Variants in SLC30A9 observed in about 807,000 individuals in gnomAD.
SLC30A9 encodes proton-coupled zinc antiporter SLC30A9, mitochondrial.
SLC30A9 carries 58 observed loss-of-function variants against 87.5 expected under a neutral mutation model. The observed-to-expected ratio is 0.66, with a 90% CI of 0.54 to 0.82. The LOEUF is 0.82. Ranked by LOEUF, SLC30A9 falls within the 40% of genes least tolerant of loss-of-function variation. SLC30A9 has a pLI of 0.00. For missense variants in SLC30A9, 557 were observed against 679.1 expected, an observed-to-expected ratio of 0.82 and a Z score of 2.00; for synonymous variants, 234 against 233.0, an observed-to-expected ratio of 1.00 and a Z score of -0.04.
At chr4:42,082,378 A>G (rs1718773678) in intron 17 of SLC30A9, among the ~76,000 whole-genome samples, 1 of 152,208 alleles carries the variant, frequency 6.6e-6, no homozygotes, top group African/African-American at 2.4e-5. Flanking sequence ...CCTTTTGAAA[A>G]CTAAAACTTT....
intron 2 of SLC30A9, among the ~76,000 whole-genome samples, chr4:42,011,292 A>G (rs900179529): frequency 6.6e-6 from 1 of 152,220 alleles, no homozygotes; most frequent in African/African-American, 2.4e-5. Context: ...TTCACTCACT[A>G]TCATGAGAAC....
intron 6 of SLC30A9, among the ~76,000 whole-genome samples, chr4:42,023,774 T>G (rs1716073742): frequency 6.6e-6 from 1 of 152,204 alleles, no homozygotes; most frequent in Admixed American, 6.5e-5. Context: ...AAAGGAGATT[T>G]AACTGACTCA....
intron 9 of SLC30A9, among the ~76,000 whole-genome samples, chr4:42,050,956 A>G (rs540964116): frequency 1.0e-3 from 157 of 152,330 alleles, no homozygotes; most frequent in African/African-American, 3.7e-3. Context: ...AGCTACAAGG[A>G]CAAAAAGCTA....
intron 8 of SLC30A9, among the ~76,000 whole-genome samples, chr4:42,047,571 A>G (rs566387690): frequency 3.9e-5 from 6 of 152,364 alleles, no homozygotes; most frequent in African/African-American, 1.4e-4. Flanking sequence ...TTTAAAAGTC[A>G]GGAAACAGCA....
rs1243989589 is a variant in SLC30A9, at chr4:42,044,581, C to A, written c.738-4796C>A. Among the ~76,000 whole-genome samples the A allele has an allele frequency of 2.0e-5, 3 of 152,096 alleles. No individual in the cohort carries two copies. The East Asian group carries it at 5.8e-4, about 29-fold the overall frequency. On this transcript the variant is annotated intron_variant, in intron 8 of 17. Coordinates refer to ENST00000264451, the MANE Select transcript of SLC30A9 (RefSeq NM_006345.4). ...ATTCATAAAGCAAGTTCTTAGAGAC[C>A]TACAAAGAGACTTAGACTCCCACAC...
chr4:42,077,798 T>C (rs1718613352), intron 16 of SLC30A9, among the ~76,000 whole-genome samples: 1 of 152,194 alleles, frequency 6.6e-6, no homozygotes, highest in African/African-American at 2.4e-5. Context: ...GTGCTTTTTA[T>C]TCTTTTGCAT....
At chr4:42,043,649 G>A (rs1322130119) in intron 8 of SLC30A9, among the ~76,000 whole-genome samples, 1 of 152,194 alleles carries the variant, frequency 6.6e-6, no homozygotes, top group African/African-American at 2.4e-5. Context: ...CACTCTTCAG[G>A]AGATTATCCA....
intron 9 of SLC30A9, among the ~76,000 whole-genome samples, chr4:42,051,368 C>G (rs971913873): frequency 2.6e-5 from 4 of 152,132 alleles, no homozygotes; most frequent in African/African-American, 9.7e-5. Context: ...CAGTGTTTAG[C>G]ATCCAATAAA....
In SLC30A9 at chr4:42,075,684, T is replaced by A; in HGVS notation, c.1446T>A (p.Asp482Glu). The A allele has an allele frequency of 6.2e-6, 10 of 1,613,714 alleles. No individual in the cohort carries two copies. The highest frequency in any genetic ancestry group is 8.5e-6 in the Non-Finnish European group (10 of 1,179,798). ...VRAIHDVKAT[D>E]LGLGKVRFKA... ...CAATTCATGATGTTAAAGCCACAGA[T>A]CTGGGATTAGGTAAAGTAAGATTTA... The change falls in exon 16 of 18, where the codon GAT (aspartate) becomes GAA (glutamate). Residue 482 changes from aspartate (D) to glutamate (E), a missense_variant. Around this residue, in one of 2 missense-constraint regions of SLC30A9, gnomAD observed 90 missense variants for 149.4 expected, o/e 0.60. Transcript: ENST00000264451.
At chr4:42,021,239 G>A (rs1341255330) in intron 4 of SLC30A9, among the ~76,000 whole-genome samples, 1 of 152,104 alleles carries the variant, frequency 6.6e-6, no homozygotes, top group African/African-American at 2.4e-5. Flanking sequence ...AGTGGATTAG[G>A]CATTGCTGTC....
At chr4:42,086,014 C>T in intron 17 of SLC30A9, 68 bp from the exon 18 acceptor site, 1 of 183,462 alleles carries the variant, frequency 5.5e-6, no homozygotes, top group Non-Finnish European at 1.0e-5. Flanking sequence ...CTCTAATGAC[C>T]AAAAGGAATA....
intron 14 of SLC30A9, 22 bp from the exon 15 acceptor site, chr4:42,070,503 AT>A (rs764938071): frequency 1.9e-6 from 3 of 1,591,708 alleles, no homozygotes; most frequent in Non-Finnish European, 2.6e-6. Flanking sequence ...TAATTTACTG[AT>A]TTTTTTATGT....
chr4:42,017,569 T>A (rs562670139), intron 2 of SLC30A9, among the ~76,000 whole-genome samples: 1 of 152,184 alleles, frequency 6.6e-6, no homozygotes, highest in East Asian at 1.9e-4. Flanking sequence ...CTACCTGTAA[T>A]TGTTTTTTCT....
intron 17 of SLC30A9, among the ~76,000 whole-genome samples, chr4:42,080,628 G>T (rs547089871): frequency 6.6e-6 from 1 of 152,312 alleles, no homozygotes; most frequent in South Asian, 2.1e-4. Flanking sequence ...AGCAGATACT[G>T]TGTGGCCAAA....
chr4:42,072,506 A>T (rs1332357334), intron 15 of SLC30A9, among the ~76,000 whole-genome samples: 1 of 151,614 alleles, frequency 6.6e-6, no homozygotes, highest in Non-Finnish European at 1.5e-5. Flanking sequence ...TATTCTTTTC[A>T]GTTATTTAGG....
At chr4:42,023,266 AATT>A in intron 5 of SLC30A9, 33 bp from the exon 6 acceptor site, 1 of 1,351,282 alleles carries the variant, frequency 7.4e-7, no homozygotes, top group Non-Finnish European at 1.1e-6. Context: ...AAGTCATTAA[AATT>A]GTTCATTGTG....
intron 7 of SLC30A9, among the ~76,000 whole-genome samples, chr4:42,037,912 G>C (rs1716758620): frequency 6.6e-6 from 1 of 151,806 alleles, no homozygotes; most frequent in East Asian, 1.9e-4. Flanking sequence ...CTGGGATTAC[G>C]GGCACCCACT....
At chr4:42,063,151 A>G in intron 11 of SLC30A9, 30 bp downstream of exon 11, 1 of 1,606,984 alleles carries the variant, frequency 6.2e-7, no homozygotes. Context: ...CTCAGTTTTG[A>G]TGTCTTATGA....
chr4:42,053,695 C>CAAAAAAA lies in SLC30A9; in HGVS notation c.840+4239_840+4245dup, dbSNP rs56190460. On this transcript the variant is annotated intron_variant, in intron 9 of 17. Transcript: ENST00000264451. ...TGGATGACAAGAGTGACTCGGTCTC[C>CAAAAAAA]AAAAAAAAAAAAAAAAAAAAAAAAA... Among the ~76,000 whole-genome samples the CAAAAAAA allele has an allele frequency of 4.8e-3, 268 of 55,922 alleles. 37 individuals carry two copies. The highest frequency in any genetic ancestry group is 9.8e-3 in the African/African-American group (103 of 10,538). 36.7% of individuals were successfully genotyped at this position (55,922 alleles called of 152,430 possible). A position where few individuals can be genotyped will look rare whatever the true frequency, so the allele number is the denominator to read the frequency against.
Sources: allele counts gnomAD v4.1 joint callset (sites outside exome capture counted in the v4.1 genomes callset), GRCh38; gene constraint gnomAD v4.1.1; regional missense constraint gnomAD v4.1.1; transcripts MANE v1.5; gene names NCBI Gene and HGNC (gene_info 2026-07-23, HGNC 2026-07-21).